SCRIB: variants seen among roughly 807,000 people sequenced by gnomAD.
SCRIB encodes protein scribble homolog.
Under a neutral mutation model 170.0 loss-of-function variants are expected in SCRIB, and 72 were observed. The ratio of observed to expected loss-of-function variants is 0.42; its 90% confidence interval spans 0.35 to 0.52. The LOEUF (loss-of-function observed/expected upper bound fraction) is 0.52. Ranked by LOEUF, SCRIB falls within the 20% of genes least tolerant of loss-of-function variation. The probability of loss-of-function intolerance (pLI) is 0.02; values close to 1 mark genes in which losing one functional copy is unlikely to be tolerated. For missense variants in SCRIB, 2,475 were observed against 2,338.5 expected (o/e 1.06, Z -1.20); for synonymous variants, 1,298 against 1,044.3 (o/e 1.24, Z -4.68).
rs1199243953 is a variant in SCRIB, at chr8:143,814,044, C to T, written c.234G>A (p.Val78=). The change falls in exon 2 of 37, where the codon GTG becomes GTA. Residue 78 remains valine, a synonymous_variant. Transcript: ENST00000356994. ...GCTCCACCAGCTGCATGAAGTTGGC[C>T]ACCTCGGGAGGCAACCGCTGGATCT... ...DNEIQRLPPE[V]ANFMQLVELD... 3 of 1,561,936 alleles carry T rather than the reference C, an allele frequency of 1.9e-6. No individual in the cohort carries two copies. In the South Asian group the frequency reaches 3.5e-5, roughly 18 times the overall value.
chr8:143,810,420 C>A, intron 13 of SCRIB, 59 bp downstream of exon 13: 2 of 1,583,900 alleles, frequency 1.3e-6, no homozygotes, highest in Non-Finnish European at 1.7e-6. Context: ...CCAGGATGGA[C>A]CGGACCACCA....
intron 35 of SCRIB, 76 bp from the exon 36 acceptor site, chr8:143,791,516 G>T: frequency 6.3e-7 from 1 of 1,592,350 alleles, no homozygotes; most frequent in Non-Finnish European, 8.6e-7. Context: ...TGGGCTCCCA[G>T]CCCTGAGGCC....
Position 143,792,210 on chromosome 8 carries a change from A to G in SCRIB, c.4514+10T>C, listed in dbSNP as rs1407248026. The G allele has an allele frequency of 1.9e-6, 3 of 1,557,540 alleles. No individual in the cohort carries two copies. Among genetic ancestry groups the G allele is most frequent in the East Asian group, 2.3e-5 (1 of 43,868 alleles). On this transcript the variant is annotated intron_variant, in intron 32 of 36. Coordinates refer to ENST00000356994, the MANE Select transcript of SCRIB (RefSeq NM_182706.5). ...GCAGGGCGGGGTGGCGACCCCACACAGGGGCTCACCTGGCTGCCCTCCACA... is the reference window on the plus strand; with the variant it reads ...GCAGGGCGGGGTGGCGACCCCACACGGGGGCTCACCTGGCTGCCCTCCACA...
chr8:143,815,164 T>A (rs768965059), intron 1 of SCRIB, 50 bp downstream of exon 1: 1 of 1,482,558 alleles, frequency 6.7e-7, no homozygotes, highest in South Asian at 1.3e-5. Flanking sequence ...GCCGGAGGAA[T>A]CACGGGCTGG....
Position 143,808,711 on chromosome 8 carries a change from C to A in SCRIB, c.2013G>T (p.Glu671Asp). Residue 671 changes from glutamate to aspartate, a missense_variant, in exon 15 of 37, where the codon GAG (glutamate) becomes GAT (aspartate). Physicochemically the swap from Glu to Asp is conservative, Grantham distance 45 (BLOSUM62 2). Around this residue, in one of 3 missense-constraint regions of SCRIB, gnomAD observed 1,966 missense variants for 1,742.9 expected, o/e 1.13. Coordinates refer to ENST00000356994, the MANE Select transcript of SCRIB (RefSeq NM_182706.5). ...EEEEEEGSPQ[E>D]EEEEEEEENR... is the part of the protein sequence containing the mutation. Reference sequence around the variant, plus strand: ...TTTCCTCCTCCTCCTCTTCCTCCTCCTCCTGAGGACTACCCTCTTCCTCCT... The same window carrying A: ...TTTCCTCCTCCTCCTCTTCCTCCTCATCCTGAGGACTACCCTCTTCCTCCT... 1 of 1,575,262 alleles carries A rather than the reference C, an allele frequency of 6.3e-7. No homozygotes were observed.
In SCRIB at chr8:143,792,842, G is replaced by C. The variant is rs782623820; in HGVS notation, c.4043C>G (p.Ser1348Cys). 1 of 1,534,334 alleles carries C rather than the reference G, an allele frequency of 6.5e-7. No individual in the cohort carries two copies. The highest frequency in any genetic ancestry group is 1.2e-5 in the South Asian group (1 of 80,094). ...CTCCCGGAAGGACAGCTGCTCCGGG[G>C]AGGCTGCAGGCCCAGGCGTGGGGGG... ...AQPPTPGPAASPEQLSFRERQ... is the reference protein window; with the variant it reads ...AQPPTPGPAACPEQLSFRERQ... The change falls in exon 30 of 37, where the codon TCC (serine) becomes TGC (cysteine). Residue 1348 changes from serine (S) to cysteine (C), a missense_variant. Ser to Cys is a moderately radical substitution (Grantham distance 112). Transcript: ENST00000356994.
intron 29 of SCRIB, 40 bp downstream of exon 29, chr8:143,792,936 C>G (rs977993521): frequency 6.7e-7 from 1 of 1,501,008 alleles, no homozygotes; most frequent in Non-Finnish European, 8.9e-7. Flanking sequence ...GGCACCCACC[C>G]CAACCACGCG....
At position 143,810,522 on chromosome 8, in the gene SCRIB, C is replaced by T. The variant is rs141568749; in HGVS notation, c.1487G>A (p.Cys496Tyr). Reference protein sequence around the residue: ...RSIEGRRSEACPCQPDSGSPL... With the variant: ...RSIEGRRSEAYPCQPDSGSPL... ...CGACCCAGAGTCTGGCTGGCAAGGG[C>T]AGGCCTCGCTCCGCCGCCCCTCGAT... Residue 496 changes from cysteine to tyrosine, a missense_variant, in exon 13 of 37, where the codon TGC (cysteine) becomes TAC (tyrosine). Physicochemically the swap from Cys to Tyr is radical, Grantham distance 194. Around this residue, in one of 3 missense-constraint regions of SCRIB, gnomAD observed 1,966 missense variants for 1,742.9 expected, o/e 1.13. Coordinates refer to ENST00000356994, the MANE Select transcript of SCRIB (RefSeq NM_182706.5). 6.9e-5 allele frequency: 111 copies of T among 1,612,644 alleles called. No individual in the cohort carries two copies. In the African/African-American group the frequency reaches 1.4e-3, roughly 20 times the overall value.
chr8:143,807,709 A>G (rs1480880315), intron 15 of SCRIB, 95 bp from the exon 16 acceptor site: 1 of 990,740 alleles, frequency 1.0e-6, no homozygotes, highest in African/African-American at 1.6e-5. Context: ...GAAAGGACAG[A>G]GGAGACCACA....
rs760921691 is a variant in SCRIB, at chr8:143,813,461, C to T, written c.503+9G>A. ...CCCTGGCTGTTAGGAGAATGCCTGT[C>T]ACACTCACGCTGGCAGGGACTTGAG... On this transcript the variant is annotated intron_variant, in intron 5 of 36. Coordinates refer to ENST00000356994, the MANE Select transcript of SCRIB (RefSeq NM_182706.5). 1.2e-6 allele frequency: 2 copies of T among 1,613,260 alleles called. No homozygotes were observed. Among genetic ancestry groups the T allele is most frequent in the African/African-American group, 1.3e-5 (1 of 75,058 alleles).
At chr8:143,791,603 G>A (rs574564419) in intron 35 of SCRIB, 63 bp downstream of exon 35, 50 of 1,515,794 alleles carry the variant, frequency 3.3e-5, no homozygotes, top group African/African-American at 8.2e-5. Context: ...CTGCGGGAGC[G>A]GATGGGGGCG....
intron 4 of SCRIB, 34 bp downstream of exon 4, chr8:143,813,603 A>G: frequency 6.2e-7 from 1 of 1,611,830 alleles, no homozygotes; most frequent in South Asian, 1.1e-5. Context: ...CTGGTCCCCC[A>G]CCCCACCCTA....
chr8:143,806,383 G>A lies in SCRIB; in HGVS notation c.2346+24C>T, dbSNP rs782121412. The stretch of plus-strand genomic sequence containing the variant: ...CCTCCAGAGGGCACAGCTGCCACTC[G>A]GGGCGGAGAGGTTGCCGACTCACCT... On this transcript the variant is annotated intron_variant, in intron 18 of 36. Transcript: ENST00000356994. The A allele has an allele frequency of 1.3e-5, 21 of 1,575,344 alleles. No individual in the cohort carries two copies. The Admixed American group carries it at 2.1e-4, about 16-fold the overall frequency.
chr8:143,793,174 C>T, intron 28 of SCRIB, 91 bp from the exon 29 acceptor site: 1 of 689,100 alleles, frequency 1.5e-6, no homozygotes, highest in Middle Eastern at 4.2e-4. Flanking sequence ...CCCGCCTGTC[C>T]CCCCGCCTGC....
Position 143,791,669 on chromosome 8 carries a change from G to A in SCRIB, c.4767C>T (p.Ile1589=), listed in dbSNP as rs2129977894. Residue 1589 remains isoleucine, a synonymous_variant, in exon 35 of 37, where the codon ATC becomes ATT. Coordinates refer to ENST00000356994, the MANE Select transcript of SCRIB (RefSeq NM_182706.5). ...CAGAGGCCTGGAGGCCAGGTACCTG[G>A]ATGTCATAGACAGGTCTGGAAGAAG... ...ALPSSRPVYD[I]QSPDFAEELR... is the part of the protein sequence containing the mutation. The A allele has an allele frequency of 6.2e-7, 1 of 1,605,486 alleles. No homozygotes were observed. The highest frequency in any genetic ancestry group is 2.2e-5 in the East Asian group (1 of 44,578).
intron 24 of SCRIB, among the ~76,000 whole-genome samples, chr8:143,795,949 C>T (rs1814925173): frequency 6.6e-6 from 1 of 152,144 alleles, no homozygotes; most frequent in Non-Finnish European, 1.5e-5. Flanking sequence ...TGGCTCCAGA[C>T]CCCAGTGTGA....
At chr8:143,801,798 T>C (rs1458876274) in intron 24 of SCRIB, among the ~76,000 whole-genome samples, 2 of 152,298 alleles carry the variant, frequency 1.3e-5, no homozygotes, top group Admixed American at 1.3e-4. Flanking sequence ...AGAAATGGTA[T>C]CTGCCCCCAA....
rs138212803 is a variant in SCRIB, at chr8:143,792,823, G to C, written c.4062C>G (p.Phe1354Leu). The C allele has an allele frequency of 6.4e-7, 1 of 1,550,472 alleles. No homozygotes were observed. The highest frequency in any genetic ancestry group is 2.3e-5 in the East Asian group (1 of 43,902). Residue 1354 changes from phenylalanine to leucine, a missense_variant, in exon 30 of 37, where the codon TTC (phenylalanine) becomes TTG (leucine). Transcript: ENST00000356994. The part of the protein sequence containing the change: ...GPAASPEQLS[F>L]RERQKYFELE... ...GCTCAAAGTACTTCTGCCGCTCCCG[G>C]AAGGACAGCTGCTCCGGGGAGGCTG...
rs764142399 is a variant in SCRIB at position 143,810,723 on chromosome 8, C to T, written c.1367G>A (p.Gly456Asp). 3.7e-6 allele frequency: 6 copies of T among 1,608,848 alleles called. No homozygotes were observed. The African/African-American group carries it at 5.3e-5, about 14-fold the overall frequency. The change falls in exon 12 of 37, where the codon GGT (glycine) becomes GAT (aspartate). Residue 456 changes from glycine to aspartate, a missense_variant. Coordinates refer to ENST00000356994, the MANE Select transcript of SCRIB (RefSeq NM_182706.5). ...SVIQFLEAPI[G>D]DEDAEEAAAE... ...TGCAGCTTCCTCAGCGTCCTCATCACCTATGGGGGCCTCCAGGAACTGGAT... is the reference window on the plus strand; with the variant it reads ...TGCAGCTTCCTCAGCGTCCTCATCATCTATGGGGGCCTCCAGGAACTGGAT...
Sources: gnomAD v4.1 joint callset for allele counts (sites outside exome capture counted in the v4.1 genomes callset) on GRCh38, gnomAD v4.1.1 for gene constraint, gnomAD v4.1.1 regional missense constraint, MANE v1.5 for transcripts, NCBI Gene and HGNC (gene_info 2026-07-23, HGNC 2026-07-21) for gene names.